PLEKHG1: variants seen among roughly 807,000 people sequenced by gnomAD.
PLEKHG1 encodes the protein pleckstrin homology and RhoGEF domain containing G1.
In PLEKHG1, 44 loss-of-function variants were observed where a neutral mutation model predicts 100.8. The ratio of observed to expected loss-of-function variants is 0.44; its 90% confidence interval spans 0.34 to 0.56. PLEKHG1 has a LOEUF of 0.56. PLEKHG1 is among the 20% of genes least tolerant of loss of function. The pLI is 0.01. For missense variants in PLEKHG1, 1,545 were observed against 1,720.9 expected, an observed-to-expected ratio of 0.90 and a Z score of 1.81; for synonymous variants, 640 against 662.5, an observed-to-expected ratio of 0.97 and a Z score of 0.52.
intron 1 of PLEKHG1, among the ~76,000 whole-genome samples, chr6:150,616,228 C>A (rs1777066494): frequency 6.6e-6 from 1 of 152,160 alleles, no homozygotes; most frequent in Non-Finnish European, 1.5e-5. Flanking sequence ...GTAGGTGGCT[C>A]TCTGCAATTA....
At chr6:150,621,571 C>T (rs1052753392) in intron 1 of PLEKHG1, among the ~76,000 whole-genome samples, 1 of 152,072 alleles carries the variant, frequency 6.6e-6, no homozygotes, top group African/African-American at 2.4e-5. Context: ...GTCGGGGTTT[C>T]ACCATGTTGG....
intron 2 of PLEKHG1, among the ~76,000 whole-genome samples, chr6:150,762,632 G>A (rs1298824530): frequency 1.3e-5 from 2 of 152,074 alleles, no homozygotes; most frequent in East Asian, 3.9e-4. Flanking sequence ...GGTCTAGACT[G>A]TATGGACCCA....
Position 150,830,569 on chromosome 6 carries a change from C to T in PLEKHG1, c.1471-13C>T. ...GTGCTGTGATTCAGTTGATATGTTT[C>T]CATCTTCCTCAGGTTTCTAGAGAGG... is the stretch of plus-strand genomic sequence containing the variant. On this transcript the variant is annotated splice_polypyrimidine_tract_variant and intron_variant, in intron 14 of 15. Transcript: ENST00000358517. 1 of 1,560,012 alleles carries T rather than the reference C, an allele frequency of 6.4e-7. No individual in the cohort carries two copies. Among genetic ancestry groups the T allele is most frequent in the East Asian group, 2.3e-5 (1 of 44,184 alleles).
In PLEKHG1 at chr6:150,683,843, C is replaced by T. The variant is rs1201947162; in HGVS notation, c.-99+33057C>T. The T allele has an allele frequency of 2.7e-5, 35 of 1,284,656 alleles. No homozygotes were observed. The highest frequency in any genetic ancestry group is 1.9e-4 in the South Asian group (15 of 80,626). The allele number at this position is 1,284,656 out of a possible 1,614,324, so 79.6% of individuals were successfully genotyped here. A position where few individuals can be genotyped will look rare whatever the true frequency, so the allele number is the denominator to read the frequency against. On this transcript the variant is annotated intron_variant, in intron 3 of 3. Transcript: ENST00000367326. The surrounding 1 kb of genome is among the most constrained non-coding windows in gnomAD (Gnocchi z 4.0). Reference sequence around the variant, plus strand: ...GTGTTCTGGGCCAAAGCATCACAGGCGAGTGAAATATGGGAATATTGAAGG... The same window carrying T: ...GTGTTCTGGGCCAAAGCATCACAGGTGAGTGAAATATGGGAATATTGAAGG...
intron 3 of PLEKHG1, among the ~76,000 whole-genome samples, chr6:150,690,301 T>C (rs760118280): frequency 2.0e-5 from 3 of 152,126 alleles, no homozygotes; most frequent in African/African-American, 4.8e-5. Flanking sequence ...GGGATCCTGG[T>C]GCGCCCATCA....
exon 4 of PLEKHG1, chr6:150,786,393 A>C: frequency 6.2e-7 from 1 of 1,607,038 alleles, no homozygotes; most frequent in African/African-American, 1.3e-5. Flanking sequence ...TTATTAGTGA[A>C]CTTCTGCAAG....
intron 7 of PLEKHG1, 100 bp downstream of exon 8, chr6:150,804,841 C>G: frequency 4.7e-6 from 5 of 1,057,984 alleles, no homozygotes; most frequent in Non-Finnish European, 6.9e-6. Context: ...GCACTACACT[C>G]ATCATCTTCA....
At chr6:150,738,191 C>T (rs1056584726) in intron 2 of PLEKHG1, among the ~76,000 whole-genome samples, 99 of 152,266 alleles carry the variant, frequency 6.5e-4, no homozygotes, top group African/African-American at 2.2e-3. Context: ...TTAATTTCTA[C>T]AGTAGCATGA....
chr6:150,602,308 A>G (rs1486971849), intron 1 of PLEKHG1, among the ~76,000 whole-genome samples: 1 of 152,170 alleles, frequency 6.6e-6, no homozygotes, highest in Non-Finnish European at 1.5e-5. Flanking sequence ...CTCCTGCAGC[A>G]TGATTAGGTC....
chr6:150,604,027 T>C (rs775324411), intron 1 of PLEKHG1, among the ~76,000 whole-genome samples: 16 of 152,146 alleles, frequency 1.1e-4, no homozygotes, highest in Non-Finnish European at 2.1e-4. Flanking sequence ...TATGGAGGCC[T>C]CTTAGCACCA....
At chr6:150,807,361 A>AAG (rs1251426132) in intron 7 of PLEKHG1, among the ~76,000 whole-genome samples, 1 of 152,160 alleles carries the variant, frequency 6.6e-6, no homozygotes. Context: ...ATACTGTGTG[A>AAG]AGCTGCTTGA....
chr6:150,622,351 T>C (rs936021513), intron 1 of PLEKHG1, among the ~76,000 whole-genome samples: 1 of 152,154 alleles, frequency 6.6e-6, no homozygotes, highest in African/African-American at 2.4e-5. Flanking sequence ...TTTTTAAATT[T>C]GCAAAAATCA....
chr6:150,665,177 A>G (rs1180871904), intron 3 of PLEKHG1, among the ~76,000 whole-genome samples: 1 of 152,154 alleles, frequency 6.6e-6, no homozygotes, highest in Non-Finnish European at 1.5e-5. Context: ...AATGATTTAG[A>G]ACACAATCTG....
intron 10 of PLEKHG1, among the ~76,000 whole-genome samples, chr6:150,813,221 C>T (rs886433659): frequency 6.6e-6 from 1 of 150,380 alleles, no homozygotes; most frequent in Non-Finnish European, 1.5e-5. Flanking sequence ...AGGAGAATGG[C>T]GTGAACCCGG....
exon 2 of PLEKHG1, chr6:150,733,904 G>A: frequency 6.2e-7 from 1 of 1,614,180 alleles, no homozygotes; most frequent in South Asian, 1.1e-5. Flanking sequence ...CCCCGCCACG[G>A]GGCAACAGAA....
chr6:150,724,452 C>T (rs774228408), intron 1 of PLEKHG1, among the ~76,000 whole-genome samples: 1 of 152,164 alleles, frequency 6.6e-6, no homozygotes, highest in Non-Finnish European at 1.5e-5. Context: ...TCCTTCATCC[C>T]CCACACTAAG....
At chr6:150,623,751 C>A (rs922981778) in intron 1 of PLEKHG1, among the ~76,000 whole-genome samples, 2 of 152,192 alleles carry the variant, frequency 1.3e-5, no homozygotes. Flanking sequence ...CAGACCCACA[C>A]GTTTGTCATG....
chr6:150,730,873 G>A (rs564396768), intron 1 of PLEKHG1, among the ~76,000 whole-genome samples: 1 of 151,404 alleles, frequency 6.6e-6, no homozygotes, highest in African/African-American at 2.4e-5. Context: ...TTGCACTCCA[G>A]CCTGGGTGAC....
In PLEKHG1 at chr6:150,800,731, G is replaced by A. The variant is rs772147823; in HGVS notation, c.642G>A (p.Val214=). 3 of 1,613,852 alleles carry A rather than the reference G, an allele frequency of 1.9e-6. No homozygotes were observed. The African/African-American group carries it at 4.0e-5, about 22-fold the overall frequency. The stretch of plus-strand genomic sequence containing the variant: ...ACTCTTCCTGCAGGTCCGTGGCTGT[G>A]CTAACAGAGTGTATGAGGAACAAGA... Residue 214 remains valine (V), a synonymous_variant, in exon 6 of 16, where the codon GTG becomes GTA. Coordinates refer to ENST00000358517, the Ensembl canonical transcript of PLEKHG1.
Sources: gnomAD v4.1 joint callset for allele counts (sites outside exome capture counted in the v4.1 genomes callset) on GRCh38, gnomAD v4.1.1 for gene constraint, Gnocchi (gnomAD v3.1) non-coding constraint, MANE v1.5 for transcripts, NCBI Gene and HGNC (gene_info 2026-07-23, HGNC 2026-07-21) for gene names.